LIN7A: variants seen among roughly 807,000 people sequenced by gnomAD.
LIN7A encodes protein lin-7 homolog A.
A neutral mutation model predicts 29.8 loss-of-function variants in LIN7A; 25 were observed. The ratio of observed to expected loss-of-function variants is 0.84; its 90% CI spans 0.61 to 1.17. The LOEUF is 1.17. LIN7A is among the 50% of genes most tolerant of loss of function. The pLI is 0.00. For synonymous variants in LIN7A, 118 were observed against 107.5 expected (o/e 1.10, Z -0.60); for missense variants, 239 against 287.0 (o/e 0.83, Z 1.21).
At chr12:80,886,373 A>AT (rs1875326630) in intron 2 of LIN7A, among the ~76,000 whole-genome samples, 2 of 152,034 alleles carry the variant, frequency 1.3e-5, no homozygotes, top group South Asian at 4.1e-4. Flanking sequence ...CATATTTTAT[A>AT]TTTTAATTGA....
chr12:80,831,766 G>T (rs1231412646), intron 4 of LIN7A, among the ~76,000 whole-genome samples: 2 of 152,144 alleles, frequency 1.3e-5, no homozygotes, highest in South Asian at 2.1e-4. Context: ...TGTGCCCTAG[G>T]TTCCTGTGGT....
intron 4 of LIN7A, among the ~76,000 whole-genome samples, chr12:80,824,348 A>G (rs1453087224): frequency 2.0e-5 from 3 of 152,172 alleles, no homozygotes; most frequent in Non-Finnish European, 4.4e-5. Context: ...ACTAATAACA[A>G]GCAGTAAGAC....
chr12:80,872,060 T>G (rs1874453370), intron 2 of LIN7A, among the ~76,000 whole-genome samples: 1 of 152,102 alleles, frequency 6.6e-6, no homozygotes, highest in African/African-American at 2.4e-5. Context: ...AGTTATATCT[T>G]CAAATACTGG....
intron 1 of LIN7A, among the ~76,000 whole-genome samples, chr12:80,914,802 A>T (rs1369956802): frequency 6.6e-6 from 1 of 152,124 alleles, no homozygotes; most frequent in Non-Finnish European, 1.5e-5. Context: ...GCATATTGGG[A>T]GGCTGAGGTA....
At chr12:80,839,484 A>T (rs2121533616) in intron 4 of LIN7A, among the ~76,000 whole-genome samples, 1 of 152,332 alleles carries the variant, frequency 6.6e-6, no homozygotes, top group Admixed American at 6.5e-5. Context: ...ATATACAGGG[A>T]CTGTTCTAAG....
At chr12:80,929,567 G>T (rs1479080510) in intron 1 of LIN7A, among the ~76,000 whole-genome samples, 1 of 152,114 alleles carries the variant, frequency 6.6e-6, no homozygotes, top group East Asian at 1.9e-4. Flanking sequence ...TTTCCACAAG[G>T]TGTCTGTGAG....
At chr12:80,801,592 T>G (rs1415810942) in intron 5 of LIN7A, among the ~76,000 whole-genome samples, 1 of 152,254 alleles carries the variant, frequency 6.6e-6, no homozygotes, top group African/African-American at 2.4e-5. Flanking sequence ...TATAAATATA[T>G]TGAATTGATG....
intron 2 of LIN7A, among the ~76,000 whole-genome samples, chr12:80,856,263 T>G (rs944331493): frequency 3.9e-5 from 6 of 152,130 alleles, no homozygotes; most frequent in Non-Finnish European, 5.9e-5. Context: ...TCAACTTCGA[T>G]GAAAACATGT....
At chr12:80,865,771 C>G (rs146818801) in intron 2 of LIN7A, among the ~76,000 whole-genome samples, 193 of 152,284 alleles carry the variant, frequency 1.3e-3, no homozygotes, top group African/African-American at 4.4e-3. Context: ...GATAAGTTCC[C>G]TTCCTCAAAA....
intron 4 of LIN7A, among the ~76,000 whole-genome samples, chr12:80,837,568 T>C (rs1872635504): frequency 6.6e-6 from 1 of 152,184 alleles, no homozygotes; most frequent in African/African-American, 2.4e-5. Flanking sequence ...AGCACAGCCC[T>C]GTTGATGCCT....
intron 5 of LIN7A, among the ~76,000 whole-genome samples, chr12:80,807,121 G>A (rs1386020354): frequency 8.1e-6 from 1 of 123,604 alleles, no homozygotes; most frequent in African/African-American, 3.2e-5. Context: ...ACCCAGGCTG[G>A]AGTGCAGTGG....
chr12:80,883,077 TTC>T (rs141252300), intron 2 of LIN7A, among the ~76,000 whole-genome samples: 6,770 of 151,958 alleles, frequency 0.045, 519 homozygotes, highest in African/African-American at 0.16. Flanking sequence ...TCCTTCTTTC[TTC>T]TCTCTCTTTC....
At chr12:80,858,686 G>T (rs954291915) in intron 2 of LIN7A, among the ~76,000 whole-genome samples, 7 of 151,978 alleles carry the variant, frequency 4.6e-5, no homozygotes, top group African/African-American at 1.7e-4. Context: ...ATCTTTATTT[G>T]CTTATTTTGG....
rs138462070 is a variant in LIN7A at position 80,893,248 on chromosome 12, A to G, written c.83-3879T>C. Among the ~76,000 whole-genome samples the G allele has an allele frequency of 3.4e-4, 52 of 152,324 alleles. No homozygotes were observed. The East Asian group carries it at 8.7e-3, about 25-fold the overall frequency. The stretch of plus-strand genomic sequence containing the variant: ...CAGAATGATTCATAAAAGCCCACAG[A>G]TGACAGCAATTAGTGCTAAGGCGGT... On this transcript the variant is annotated intron_variant, in intron 1 of 5. Transcript: ENST00000552864.
chr12:80,890,510 TAGCAC>T (rs1467098879), intron 1 of LIN7A, among the ~76,000 whole-genome samples: 3 of 152,146 alleles, frequency 2.0e-5, no homozygotes, highest in Non-Finnish European at 4.4e-5. Flanking sequence ...AGAAATATAA[TAGCAC>T]AGCCACCTTC....
At chr12:80,890,344 T>G (rs1875558129) in intron 1 of LIN7A, among the ~76,000 whole-genome samples, 2 of 152,152 alleles carry the variant, frequency 1.3e-5, no homozygotes, top group Non-Finnish European at 2.9e-5. Flanking sequence ...GATTCCTAAG[T>G]GCCTAGCTCC....
chr12:80,860,221 G>T (rs925109729), intron 2 of LIN7A, among the ~76,000 whole-genome samples: 9 of 152,002 alleles, frequency 5.9e-5, no homozygotes, highest in African/African-American at 2.2e-4. Context: ...GTAGAGTTTT[G>T]GCACCCCAGT....
chr12:80,850,899 A>G (rs1048313486), intron 2 of LIN7A, among the ~76,000 whole-genome samples: 2 of 152,184 alleles, frequency 1.3e-5, no homozygotes, highest in African/African-American at 4.8e-5. Context: ...AATGCTAACC[A>G]TTTTATATCC....
At chr12:80,846,115 C>A (rs1241589164) in intron 3 of LIN7A, among the ~76,000 whole-genome samples, 176 bp from the exon 4 acceptor site, 1 of 152,160 alleles carries the variant, frequency 6.6e-6, no homozygotes, top group Admixed American at 6.5e-5. Context: ...TCTAGGATTT[C>A]TTTCTTTGGT....
Sources: gnomAD v4.1 joint callset for allele counts (sites outside exome capture counted in the v4.1 genomes callset) on GRCh38, gnomAD v4.1.1 for gene constraint, MANE v1.5 for transcripts, NCBI Gene and HGNC (gene_info 2026-07-23, HGNC 2026-07-21) for gene names.